The following NUDT19 variants were observed in gnomAD, a reference collection of about 807,000 sequenced individuals.
NUDT19 encodes the protein nudix hydrolase 19.
NUDT19 carries 31 observed loss-of-function variants against 22.2 expected under a neutral mutation model. The observed-to-expected ratio is 1.40, with a 90% confidence interval of 1.05 to 1.89. The LOEUF is 1.89. Among genes scored for constraint, NUDT19 ranks in the 40% most tolerant of loss-of-function variants. NUDT19 has a pLI of 0.00. For synonymous variants in NUDT19, 325 were observed against 230.8 expected (o/e 1.41, Z -3.70); for missense variants, 752 against 514.2 (o/e 1.46, Z -4.47).
At chr19:32,702,337 C>T (rs552110216) in intron 1 of NUDT19, among the ~76,000 whole-genome samples, 2 of 152,322 alleles carry the variant, frequency 1.3e-5, no homozygotes, top group African/African-American at 4.8e-5. Flanking sequence ...TAGATAAACT[C>T]CCCACATTCC....
rs374445377 is a variant in NUDT19, at chr19:32,691,976, C to T, written c.16C>T (p.Arg6Trp). MSSSL[R>W]PGPSRWRRAA... ...GCTGCGCGCCATGAGCAGCTCCCTG[C>T]GGCCGGGCCCCAGCCGCTGGCGGCG... is the stretch of plus-strand genomic sequence containing the variant. Residue 6 changes from arginine to tryptophan, a missense_variant, in exon 1 of 3, where the codon CGG (arginine) becomes TGG (tryptophan). Arg to Trp is a moderately radical substitution (Grantham distance 101). Transcript: ENST00000397061. 3.6e-4 allele frequency: 441 copies of T among 1,231,562 alleles called. No individual in the cohort carries two copies. The African/African-American group carries it at 6.3e-3, about 17-fold the overall frequency. 76.3% of individuals were successfully genotyped at this position (1,231,562 alleles called of 1,614,324 possible).
In NUDT19 at chr19:32,692,025, C is replaced by T; in HGVS notation, c.65C>T (p.Ala22Val). The stretch of plus-strand genomic sequence containing the variant: ...CGGGCGGCCAGCATCGTCCTGGCGG[C>T]TGGCTGGTCGCGCCCGGAGACCGCC... ...WRRAASIVLA[A>V]GWSRPETATP... The change falls in exon 1 of 3, where the codon GCT becomes GTT. Residue 22 changes from alanine (A) to valine (V), a missense_variant. Coordinates refer to ENST00000397061, the MANE Select transcript of NUDT19 (RefSeq NM_001105570.2). The T allele has an allele frequency of 7.9e-7, 1 of 1,261,672 alleles. No homozygotes were observed. 78.2% of individuals were successfully genotyped at this position (1,261,672 alleles called of 1,614,324 possible).
At position 32,692,155 on chromosome 19, in the gene NUDT19, A is replaced by T; in HGVS notation, c.195A>T (p.Gly65=). 1 of 1,510,264 alleles carries T rather than the reference A, an allele frequency of 6.6e-7. No individual in the cohort carries two copies. Among genetic ancestry groups the T allele is most frequent in the Non-Finnish European group, 8.8e-7 (1 of 1,139,082 alleles). 93.6% of individuals were successfully genotyped at this position (1,510,264 alleles called of 1,614,324 possible). A position where few individuals can be genotyped will look rare whatever the true frequency, so the allele number is the denominator to read the frequency against. ...CGGGCGCGCACGTCTTCTCCGGCGG[A>T]GTGCTGGATGCGGCCGACCGCTCGG... ...FMPGAHVFSG[G]VLDAADRSAD... is the part of the protein sequence containing the mutation. Residue 65 remains glycine, a synonymous_variant, in exon 1 of 3, where the codon GGA becomes GGT. Transcript: ENST00000397061.
rs1261289517 is a variant in NUDT19 at position 32,712,419 on chromosome 19, A to C, written c.*462A>C. ...TTTTTTTTTTGAGACAGAGTGTCTC[A>C]CTCTTGCCCAGAACCCAGGCTGGAG... On this transcript the variant is annotated 3_prime_UTR_variant, in exon 3 of 3. Coordinates refer to ENST00000397061, the MANE Select transcript of NUDT19 (RefSeq NM_001105570.2). 2 of 91,020 alleles carry C rather than the reference A, an allele frequency of 2.2e-5. No individual in the cohort carries two copies. Among genetic ancestry groups the C allele is most frequent in the African/African-American group, 4.8e-5 (1 of 20,986 alleles). The allele number at this position is 91,020 out of a possible 1,614,324, so 5.6% of individuals were successfully genotyped here.
Position 32,709,335 on chromosome 19 carries a change from G to C in NUDT19, c.865G>C (p.Glu289Gln), listed in dbSNP as rs1200067392. The C allele has an allele frequency of 6.2e-7, 1 of 1,614,186 alleles. No individual in the cohort carries two copies. Among genetic ancestry groups the C allele is most frequent in the Admixed American group, 1.7e-5 (1 of 60,006 alleles). Residue 289 changes from glutamate to glutamine, a missense_variant, in exon 2 of 3, where the codon GAA becomes CAA. Coordinates refer to ENST00000397061, the MANE Select transcript of NUDT19 (RefSeq NM_001105570.2). ...FCLGRALEGL[E>Q]RWLPIILLTA... ...TTTGGGTCGTGCATTAGAAGGACTG[G>C]AAAGGTGGCTGCCGATCATCTTGTT...
intron 1 of NUDT19, among the ~76,000 whole-genome samples, chr19:32,708,560 G>A (rs2145367569): frequency 6.6e-6 from 1 of 152,310 alleles, no homozygotes; most frequent in African/African-American, 2.4e-5. Context: ...AGTTTTCCGG[G>A]CAAATACTGC....
Position 32,692,171 on chromosome 19 carries a change from G to T in NUDT19, c.211G>T (p.Asp71Tyr), listed in dbSNP as rs765418100. 8.5e-6 allele frequency: 13 copies of T among 1,536,898 alleles called. No homozygotes were observed. Among genetic ancestry groups the T allele is most frequent in the Non-Finnish European group, 1.0e-5 (12 of 1,152,170 alleles). ...VFSGGVLDAA[D>Y]RSADWLGLFA... ...CTCCGGCGGAGTGCTGGATGCGGCC[G>T]ACCGCTCGGCGGACTGGCTGGGCCT... The change falls in exon 1 of 3, where the codon GAC becomes TAC. Residue 71 changes from aspartate to tyrosine, a missense_variant. Physicochemically the swap from Asp to Tyr is radical, Grantham distance 160. Coordinates refer to ENST00000397061, the MANE Select transcript of NUDT19 (RefSeq NM_001105570.2).
intron 1 of NUDT19, among the ~76,000 whole-genome samples, chr19:32,705,054 C>T (rs1264849509): frequency 3.5e-5 from 5 of 144,358 alleles, no homozygotes; most frequent in Admixed American, 1.5e-4. Context: ...TGCAGTGAGC[C>T]GAGATCACGC....
chr19:32,693,020 C>T (rs1412611395), intron 1 of NUDT19, among the ~76,000 whole-genome samples: 2 of 152,210 alleles, frequency 1.3e-5, no homozygotes, highest in African/African-American at 4.8e-5. Context: ...TAATATGATC[C>T]AGTCTTCCTA....
At chr19:32,704,696 T>C (rs1325196910) in intron 1 of NUDT19, among the ~76,000 whole-genome samples, 1 of 152,248 alleles carries the variant, frequency 6.6e-6, no homozygotes, top group Non-Finnish European at 1.5e-5. Context: ...TGACTTATTT[T>C]TTTTCTAGTT....
intron 1 of NUDT19, among the ~76,000 whole-genome samples, chr19:32,705,106 CAA>C (rs34871387): frequency 7.2e-4 from 39 of 54,178 alleles, no homozygotes; most frequent in African/African-American, 2.0e-3. Flanking sequence ...GACTTCATCT[CAA>C]AAAAAAAAAA....
chr19:32,703,641 G>T (rs2145364231), intron 1 of NUDT19, among the ~76,000 whole-genome samples: 2 of 133,696 alleles, frequency 1.5e-5, no homozygotes, highest in African/African-American at 2.8e-5. Context: ...GGGCCACTGT[G>T]CCCAGCCTTT....
chr19:32,692,580 G>T lies in NUDT19; in HGVS notation c.620G>T (p.Gly207Val), dbSNP rs752916743. The T allele has an allele frequency of 4.3e-5, 69 of 1,590,780 alleles. 1 individual carries two copies. The highest frequency in any genetic ancestry group is 3.5e-4 in the East Asian group (15 of 43,098). ...WSAWLTPFLRGTTRRFDTAFF... is the reference protein window; with the variant it reads ...WSAWLTPFLRVTTRRFDTAFF... ...GCCTGGCTCACCCCTTTCTTGCGGG[G>T]CACCACTCGCCGCTTTGACACGGCC... Residue 207 changes from glycine (G) to valine (V), a missense_variant, in exon 1 of 3, where the codon GGC (glycine) becomes GTC (valine). Coordinates refer to ENST00000397061, the MANE Select transcript of NUDT19 (RefSeq NM_001105570.2).
At chr19:32,705,406 A>G (rs915448928) in intron 1 of NUDT19, among the ~76,000 whole-genome samples, 12 of 151,722 alleles carry the variant, frequency 7.9e-5, no homozygotes, top group Non-Finnish European at 1.2e-4. Context: ...CCTGGGTGAC[A>G]GAGCGAGACT....
chr19:32,710,554 T>C (rs1968436151), intron 2 of NUDT19, among the ~76,000 whole-genome samples: 1 of 150,764 alleles, frequency 6.6e-6, no homozygotes, highest in African/African-American at 2.4e-5. Context: ...ATCATGCCAC[T>C]GCACTCTAAC....
intron 1 of NUDT19, among the ~76,000 whole-genome samples, chr19:32,705,106 C>CAAA (rs34871387): frequency 3.9e-4 from 21 of 54,112 alleles, no homozygotes; most frequent in African/African-American, 5.6e-4. Flanking sequence ...GACTTCATCT[C>CAAA]AAAAAAAAAA....
At chr19:32,699,437 T>G (rs970864239) in intron 1 of NUDT19, among the ~76,000 whole-genome samples, 3 of 152,172 alleles carry the variant, frequency 2.0e-5, no homozygotes, top group African/African-American at 7.2e-5. Flanking sequence ...ATGGCTTTCC[T>G]CGCTGTCGAC....
intron 1 of NUDT19, among the ~76,000 whole-genome samples, chr19:32,693,463 A>G (rs12611419): frequency 0.18 from 27,476 of 152,214 alleles, 2,591 homozygotes; most frequent in African/African-American, 0.22. Context: ...AGTGAGCAGC[A>G]GCAAGATTTA....
chr19:32,692,925 C>T lies in NUDT19; in HGVS notation c.714+251C>T, dbSNP rs1349570267. The stretch of plus-strand genomic sequence containing the variant: ...CTGTCTCTCCACGTGGTTCCTCCAG[C>T]GTGGCCACTGTGTAAGCACTTGTAC... On this transcript the variant is annotated intron_variant, in intron 1 of 2. Coordinates refer to ENST00000397061, the MANE Select transcript of NUDT19 (RefSeq NM_001105570.2). 3.3e-5 allele frequency among the ~76,000 whole-genome samples: 5 copies of T among 152,392 alleles called. No homozygotes were observed. The East Asian group carries it at 9.6e-4, about 29-fold the overall frequency.
Sources: allele counts gnomAD v4.1 joint callset (sites outside exome capture counted in the v4.1 genomes callset), GRCh38; gene constraint gnomAD v4.1.1; transcripts MANE v1.5; gene names NCBI Gene and HGNC (gene_info 2026-07-23, HGNC 2026-07-21).